Variants in COL4A4 observed in about 807,000 individuals in gnomAD.
COL4A4 encodes the protein collagen alpha-4(IV) chain.
In COL4A4, 105 loss-of-function variants were observed where a neutral mutation model predicts 192.9. The ratio of observed to expected loss-of-function variants is 0.54; its 90% CI spans 0.46 to 0.64. The LOEUF is 0.64. COL4A4 is among the 30% of genes least tolerant of loss of function. The pLI, the probability that COL4A4 is intolerant of heterozygous loss-of-function variation, is 0.00. For missense variants in COL4A4, 1,967 were observed against 2,169.3 expected, an observed-to-expected ratio of 0.91 and a Z score of 1.85; for synonymous variants, 762 against 769.9, an observed-to-expected ratio of 0.99 and a Z score of 0.17.
intron 41 of COL4A4, among the ~76,000 whole-genome samples, chr2:227,028,385 C>T (rs1967471303): frequency 6.6e-6 from 1 of 152,182 alleles, no homozygotes; most frequent in Non-Finnish European, 1.5e-5. Flanking sequence ...CTCCTCCTCA[C>T]TCTCTTAGTT....
chr2:226,982,083 C>T, the COL4A4 span, among the ~76,000 whole-genome samples: 1 of 152,206 alleles, frequency 6.6e-6, no homozygotes, highest in Non-Finnish European at 1.5e-5. Flanking sequence ...TTCCCCCCGC[C>T]CTCTTTTCTT....
At chr2:227,140,520 G>C (rs1443147696) in intron 3 of COL4A4, among the ~76,000 whole-genome samples, 2 of 152,120 alleles carry the variant, frequency 1.3e-5, no homozygotes, top group Non-Finnish European at 2.9e-5. Flanking sequence ...CTCCCTTTCG[G>C]TAAGACTTAA....
chr2:227,093,159 C>T (rs533884427), intron 20 of COL4A4, among the ~76,000 whole-genome samples: 69 of 152,230 alleles, frequency 4.5e-4, no homozygotes, highest in African/African-American at 1.7e-3. Context: ...TTGTCTTTAG[C>T]CTCTAAACTG....
rs778908512 is a variant in COL4A4 at position 227,050,053 on chromosome 2, A to G, written c.3214+15T>C. On this transcript the variant is annotated intron_variant, in intron 34 of 47. Coordinates refer to ENST00000396625, the MANE Select transcript of COL4A4 (RefSeq NM_000092.5). ...TATGCATTTGACAGATGGCTTCTGTATCTCCAAACCATACCTTTAGGTCCT... is the reference window on the plus strand; with the variant it reads ...TATGCATTTGACAGATGGCTTCTGTGTCTCCAAACCATACCTTTAGGTCCT... The G allele has an allele frequency of 1.9e-6, 3 of 1,613,078 alleles. No individual in the cohort carries two copies. The highest frequency in any genetic ancestry group is 2.2e-5 in the East Asian group (1 of 44,898).
the COL4A4 span, among the ~76,000 whole-genome samples, chr2:226,970,497 C>T: frequency 1.4e-4 from 21 of 152,218 alleles, no homozygotes; most frequent in East Asian, 3.7e-3. Flanking sequence ...ATTTGTCCAT[C>T]GTGAACATCT....
chr2:227,057,387 T>C, intron 29 of COL4A4, 52 bp downstream of exon 29: 2 of 1,548,258 alleles, frequency 1.3e-6, no homozygotes. Context: ...GGGGAGCTTA[T>C]TTAATTGTAA....
At chr2:227,104,164 T>C (rs1311602608) in intron 12 of COL4A4, 112 bp from the exon 13 acceptor site, 4 of 898,392 alleles carry the variant, frequency 4.5e-6, no homozygotes, top group Non-Finnish European at 7.4e-6. Context: ...GGATTTAAAA[T>C]ACAAGTTGTG....
chr2:227,059,767 T>C (rs1377716158), intron 27 of COL4A4, 144 bp from the exon 28 acceptor site: 3 of 706,780 alleles, frequency 4.2e-6, no homozygotes, highest in Non-Finnish European at 7.4e-6. Flanking sequence ...AGTAATGTTG[T>C]TTTGCCACCT....
chr2:227,042,314 C>A (rs1159505213), intron 36 of COL4A4, 59 bp from the exon 37 acceptor site: 1 of 933,362 alleles, frequency 1.1e-6, no homozygotes, highest in South Asian at 1.3e-5. Flanking sequence ...ACATTCACTG[C>A]AAAAGTCATC....
At chr2:227,021,930 G>A (rs374597649) in intron 44 of COL4A4, 118 bp downstream of exon 44, 1 of 1,198,432 alleles carries the variant, frequency 8.3e-7, no homozygotes. Context: ...CAAAGGGAAA[G>A]ACATGCTTTC....
intron 44 of COL4A4, among the ~76,000 whole-genome samples, chr2:227,013,241 C>T (rs951189165): frequency 6.6e-6 from 1 of 152,126 alleles, no homozygotes; most frequent in Admixed American, 6.5e-5. Context: ...CTCCAGGTTT[C>T]CAGTCTCTAC....
intron 10 of COL4A4, 108 bp from the exon 11 acceptor site, chr2:227,108,976 TA>T: frequency 8.7e-7 from 1 of 1,144,954 alleles, no homozygotes; most frequent in Non-Finnish European, 1.3e-6. Flanking sequence ...CCCTTAATTT[TA>T]AAACATGCAG....
chr2:226,978,847 A>G, the COL4A4 span, among the ~76,000 whole-genome samples: 1 of 152,152 alleles, frequency 6.6e-6, no homozygotes, highest in African/African-American at 2.4e-5. Flanking sequence ...GACATGAAGC[A>G]AGGAGAGATG....
chr2:227,017,881 C>G (rs1024955838), intron 44 of COL4A4, among the ~76,000 whole-genome samples: 3 of 151,998 alleles, frequency 2.0e-5, no homozygotes, highest in Non-Finnish European at 4.4e-5. Flanking sequence ...GTTTGTTGTA[C>G]TGATGATTAT....
chr2:227,015,744 A>C (rs1397013996), intron 44 of COL4A4, among the ~76,000 whole-genome samples: 1 of 152,216 alleles, frequency 6.6e-6, no homozygotes, highest in Non-Finnish European at 1.5e-5. Flanking sequence ...TGGCACAATC[A>C]GATAAGGCAA....
Position 227,094,109 on chromosome 2 carries a change from A to G in COL4A4, c.1369+16T>C. On this transcript the variant is annotated intron_variant, in intron 20 of 47. Coordinates refer to ENST00000396625, the MANE Select transcript of COL4A4 (RefSeq NM_000092.5). ...GCAGCATAAATGCTAATGGATATGAATAAGGAGTACTTTACCACTTGATCC... is the reference window on the plus strand; with the variant it reads ...GCAGCATAAATGCTAATGGATATGAGTAAGGAGTACTTTACCACTTGATCC... 1 of 1,611,660 alleles carries G rather than the reference A, an allele frequency of 6.2e-7. No individual in the cohort carries two copies. The highest frequency in any genetic ancestry group is 8.5e-7 in the Non-Finnish European group (1 of 1,178,136).
intron 47 of COL4A4, 118 bp downstream of exon 47, chr2:227,007,900 T>A: frequency 7.7e-7 from 1 of 1,297,284 alleles, no homozygotes. Flanking sequence ...ACAGTCCCCG[T>A]AACCTTATGT....
intron 22 of COL4A4, among the ~76,000 whole-genome samples, chr2:227,087,447 T>C (rs2059664196): frequency 6.6e-6 from 1 of 152,178 alleles, no homozygotes; most frequent in Admixed American, 6.6e-5. Context: ...CGCCTTCCCA[T>C]CTCAGTACAT....
intron 19 of COL4A4, among the ~76,000 whole-genome samples, chr2:227,094,714 C>T (rs191860168): frequency 6.8e-4 from 103 of 152,198 alleles, no homozygotes; most frequent in Non-Finnish European, 1.8e-4. Context: ...CTCACCACCC[C>T]CCACAAATGA....
Sources: allele counts gnomAD v4.1 joint callset (sites outside exome capture counted in the v4.1 genomes callset), GRCh38; gene constraint gnomAD v4.1.1; transcripts MANE v1.5; gene names NCBI Gene and HGNC (gene_info 2026-07-23, HGNC 2026-07-21).